The following SCD5 variants were observed in gnomAD, a reference collection of about 807,000 sequenced individuals.
SCD5 encodes stearoyl-CoA desaturase 5.
SCD5 carries 20 observed loss-of-function variants against 30.4 expected under a neutral mutation model. The ratio of observed to expected loss-of-function variants is 0.66; its 90% confidence interval spans 0.46 to 0.96. The LOEUF is 0.96. Among genes scored for constraint, SCD5 ranks in the 40% least tolerant of loss-of-function variants. SCD5 has a pLI of 0.00. For synonymous variants in SCD5, 173 were observed against 176.4 expected (o/e 0.98, Z 0.16); for missense variants, 381 against 443.3 (o/e 0.86, Z 1.26).
chr4:82,792,699 G>A (rs1722125047), intron 1 of SCD5, among the ~76,000 whole-genome samples: 1 of 152,212 alleles, frequency 6.6e-6, no homozygotes, highest in Non-Finnish European at 1.5e-5. Flanking sequence ...TCCAACCCAA[G>A]TGACAGAGCA....
At chr4:82,784,424 C>A (rs958223723) in intron 1 of SCD5, among the ~76,000 whole-genome samples, 2 of 152,092 alleles carry the variant, frequency 1.3e-5, no homozygotes, top group African/African-American at 4.8e-5. Flanking sequence ...ACCCCTAACA[C>A]CAAAAAGAAA....
chr4:82,681,134 AC>A (rs1728564060), intron 2 of SCD5, among the ~76,000 whole-genome samples: 1 of 152,114 alleles, frequency 6.6e-6, no homozygotes, highest in Admixed American at 6.5e-5. Context: ...ATCTCAGCTT[AC>A]GTGTGGGACG....
intron 1 of SCD5, among the ~76,000 whole-genome samples, chr4:82,763,333 G>A (rs1488814598): frequency 6.6e-6 from 1 of 152,104 alleles, no homozygotes; most frequent in Non-Finnish European, 1.5e-5. Context: ...CCAACATGGT[G>A]AAACCCATCT....
chr4:82,762,747 G>A (rs987680109), intron 1 of SCD5, among the ~76,000 whole-genome samples: 2 of 152,152 alleles, frequency 1.3e-5, no homozygotes, highest in African/African-American at 4.8e-5. Context: ...AAACAACATT[G>A]TTTATTTGGA....
At chr4:82,754,510 C>CT (rs1434766460) in intron 1 of SCD5, among the ~76,000 whole-genome samples, 2 of 152,098 alleles carry the variant, frequency 1.3e-5, no homozygotes, top group Non-Finnish European at 2.9e-5. Flanking sequence ...TTCCAGGCTC[C>CT]CCCCAGGACC....
In SCD5 at chr4:82,656,064, G is replaced by A. The variant is rs1186196797; in HGVS notation, c.570-19241C>T. ...ATGTAGGGAAAAGACAAGTACTCCT[G>A]GTTTTAAAGCTTTGATAAGACTACT... On this transcript the variant is annotated intron_variant, in intron 3 of 4. Coordinates refer to ENST00000319540, the MANE Select transcript of SCD5 (RefSeq NM_001037582.3). 2.6e-5 allele frequency among the ~76,000 whole-genome samples: 4 copies of A among 151,800 alleles called. 1 individual carries two copies. The highest frequency in any genetic ancestry group is 2.9e-5 in the Non-Finnish European group (2 of 67,922).
In SCD5 at chr4:82,647,710, A is replaced by C. The variant is rs60679002; in HGVS notation, c.570-10887T>G. The stretch of plus-strand genomic sequence containing the variant: ...GATAGATCTCCTCTCAACTATGATT[A>C]TTGCATTATTTGATGTCCCTTCAGT... On this transcript the variant is annotated intron_variant, in intron 3 of 4. Transcript: ENST00000319540. Among the ~76,000 whole-genome samples the C allele has an allele frequency of 4.3e-3, 659 of 152,204 alleles. 5 individuals carry two copies. Among genetic ancestry groups the C allele is most frequent in the African/African-American group, 0.015 (618 of 41,502 alleles).
At chr4:82,726,022 C>T (rs75055976) in intron 1 of SCD5, among the ~76,000 whole-genome samples, 3,449 of 152,252 alleles carry the variant, frequency 0.023, 130 homozygotes, top group African/African-American at 0.079. Context: ...CCTCAGAGGC[C>T]GCAGAGGCTC....
At chr4:82,781,472 G>A (rs1560561937) in intron 1 of SCD5, among the ~76,000 whole-genome samples, 1 of 151,992 alleles carries the variant, frequency 6.6e-6, no homozygotes, top group Non-Finnish European at 1.5e-5. Context: ...CTTTCCAAGA[G>A]AAGGGAGGGG....
chr4:82,764,950 C>A (rs1354692871), intron 1 of SCD5, among the ~76,000 whole-genome samples: 5 of 152,208 alleles, frequency 3.3e-5, no homozygotes, highest in African/African-American at 1.2e-4. Context: ...TAGTCTCAAA[C>A]TCCTGATCTC....
At chr4:82,721,854 T>G (rs1371560642) in intron 1 of SCD5, among the ~76,000 whole-genome samples, 2 of 152,224 alleles carry the variant, frequency 1.3e-5, no homozygotes, top group Non-Finnish European at 2.9e-5. Flanking sequence ...ATGAAAGGAT[T>G]TGGGAGAAGT....
intron 1 of SCD5, among the ~76,000 whole-genome samples, chr4:82,778,996 G>A (rs1371792951): frequency 6.6e-6 from 1 of 151,912 alleles, no homozygotes; most frequent in Non-Finnish European, 1.5e-5. Flanking sequence ...CTCCCAAGTA[G>A]CTGGGATTAC....
Position 82,756,117 on chromosome 4 carries a change from C to T in SCD5, c.232+42189G>A, listed in dbSNP as rs568155760. On this transcript the variant is annotated intron_variant, in intron 1 of 4. Coordinates refer to ENST00000319540, the MANE Select transcript of SCD5 (RefSeq NM_001037582.3). ...TTCCTCCTCTGGGTGTCCACAGGCA[C>T]ATCACACTAAGCAGGTGTAATATGG... Among the ~76,000 whole-genome samples the T allele has an allele frequency of 2.6e-4, 40 of 152,304 alleles. 1 individual carries two copies. Among genetic ancestry groups the T allele is most frequent in the Admixed American group, 2.5e-3 (38 of 15,300 alleles).
chr4:82,726,435 AC>A (rs1367769667), intron 1 of SCD5, among the ~76,000 whole-genome samples: 3 of 151,086 alleles, frequency 2.0e-5, no homozygotes, highest in East Asian at 1.9e-4. Context: ...AAAAAAAAAA[AC>A]AATTACCTTG....
intron 1 of SCD5, among the ~76,000 whole-genome samples, chr4:82,793,527 A>G (rs956323810): frequency 6.6e-5 from 10 of 152,242 alleles, no homozygotes; most frequent in African/African-American, 2.4e-4. Flanking sequence ...TCTATGCAAG[A>G]GAGGCTGTGA....
At chr4:82,700,892 A>C (rs534861326) in intron 2 of SCD5, among the ~76,000 whole-genome samples, 9 of 151,404 alleles carry the variant, frequency 5.9e-5, no homozygotes, top group Admixed American at 2.0e-4. Context: ...AAAAAATGGT[A>C]AAAAGAGTTC....
chr4:82,703,968 C>G (rs1719913767), intron 2 of SCD5, among the ~76,000 whole-genome samples: 1 of 152,166 alleles, frequency 6.6e-6, no homozygotes, highest in South Asian at 2.1e-4. Flanking sequence ...GAACATGGAA[C>G]CAGGAAGCTG....
At chr4:82,768,341 C>A (rs1164109368) in intron 1 of SCD5, among the ~76,000 whole-genome samples, 1 of 151,928 alleles carries the variant, frequency 6.6e-6, no homozygotes, top group Non-Finnish European at 1.5e-5. Flanking sequence ...AACACTGTTG[C>A]CTGACAGAGG....
chr4:82,697,397 G>C (rs1719718692), intron 2 of SCD5, among the ~76,000 whole-genome samples: 1 of 152,162 alleles, frequency 6.6e-6, no homozygotes, highest in Non-Finnish European at 1.5e-5. Context: ...GTACAAAGCA[G>C]GTAAGATCTG....
Sources: allele counts gnomAD v4.1 joint callset (sites outside exome capture counted in the v4.1 genomes callset), GRCh38; gene constraint gnomAD v4.1.1; transcripts MANE v1.5; gene names NCBI Gene and HGNC (gene_info 2026-07-23, HGNC 2026-07-21).